The following HTR4 variants were observed in gnomAD, a reference collection of about 807,000 sequenced individuals.
HTR4 encodes the protein 5-hydroxytryptamine (serotonin) receptor 4, G protein-coupled.
Under a neutral mutation model 36.8 loss-of-function variants are expected in HTR4, and 16 were observed. The ratio of observed to expected loss-of-function variants is 0.43; its 90% CI spans 0.29 to 0.66. The LOEUF (loss-of-function observed/expected upper bound fraction) is 0.66. Ranked by LOEUF, HTR4 falls within the 30% of genes least tolerant of loss-of-function variation. The pLI, the probability that HTR4 is intolerant of heterozygous loss-of-function variation, is 0.13. For missense variants in HTR4, 438 were observed against 490.9 expected (o/e 0.89, Z 1.02); for synonymous variants, 189 against 185.1 (o/e 1.02, Z -0.17).
chr5:148,652,109 A>G (rs1384315148), intron 1 of HTR4, among the ~76,000 whole-genome samples: 1 of 152,212 alleles, frequency 6.6e-6, no homozygotes, highest in Non-Finnish European at 1.5e-5. Context: ...TGTTCAATTC[A>G]TGTATTTGCT....
intron 5 of HTR4, among the ~76,000 whole-genome samples, chr5:148,456,822 A>G (rs1755112700): frequency 6.6e-6 from 1 of 152,220 alleles, no homozygotes; most frequent in Non-Finnish European, 1.5e-5. Flanking sequence ...CTTGTTGTAG[A>G]CATTAAATGA....
intron 5 of HTR4, among the ~76,000 whole-genome samples, chr5:148,512,020 T>C (rs1183630660): frequency 6.6e-6 from 1 of 152,228 alleles, no homozygotes; most frequent in Non-Finnish European, 1.5e-5. Context: ...TCACTCCTTT[T>C]GGAAAGCATG....
chr5:148,601,078 A>G (rs1761979427), intron 2 of HTR4, among the ~76,000 whole-genome samples: 1 of 151,942 alleles, frequency 6.6e-6, no homozygotes, highest in Non-Finnish European at 1.5e-5. Flanking sequence ...AATGGCCAAG[A>G]AGCATATGAA....
At position 148,566,815 on chromosome 5, in the gene HTR4, C is replaced by T. The variant is rs1760459839; in HGVS notation, c.27-16553G>A. 2.0e-5 allele frequency among the ~76,000 whole-genome samples: 3 copies of T among 151,858 alleles called. No individual in the cohort carries two copies. The South Asian group carries it at 6.2e-4, about 32-fold the overall frequency. On this transcript the variant is annotated intron_variant, in intron 2 of 6. Transcript: ENST00000377888. ...ATACCTGTATTTATTACATATGACT[C>T]CATATATTAATATTATCTATATCCA...
At chr5:148,627,382 T>A (rs559162744) in intron 2 of HTR4, among the ~76,000 whole-genome samples, 19 of 152,344 alleles carry the variant, frequency 1.2e-4, no homozygotes, top group Non-Finnish European at 2.4e-4. Context: ...TGTATCCATT[T>A]CCACATACGC....
intron 6 of HTR4, among the ~76,000 whole-genome samples, chr5:148,483,847 T>C (rs565560668): frequency 2.0e-5 from 3 of 152,316 alleles, no homozygotes; most frequent in South Asian, 4.1e-4. Context: ...TTGGCGTATA[T>C]TGAGCTTGCT....
intron 5 of HTR4, among the ~76,000 whole-genome samples, chr5:148,513,202 A>C (rs1276835494): frequency 4.6e-5 from 7 of 152,012 alleles, no homozygotes; most frequent in Non-Finnish European, 1.0e-4. Flanking sequence ...TGTGGCTCAG[A>C]CTGGTCTCAA....
chr5:148,527,747 G>C (rs1426724004), intron 4 of HTR4, among the ~76,000 whole-genome samples: 1 of 152,114 alleles, frequency 6.6e-6, no homozygotes, highest in Non-Finnish European at 1.5e-5. Flanking sequence ...CTGAGTAGCT[G>C]GGAATACAGG....
chr5:148,577,752 G>A (rs1333087597), intron 2 of HTR4, among the ~76,000 whole-genome samples: 1 of 152,044 alleles, frequency 6.6e-6, no homozygotes, highest in Non-Finnish European at 1.5e-5. Context: ...TTACTTACAA[G>A]TGAGAGCTAA....
At chr5:148,485,181 TGCA>T (rs772730795) in intron 6 of HTR4, among the ~76,000 whole-genome samples, 45 of 152,300 alleles carry the variant, frequency 3.0e-4, no homozygotes, top group Non-Finnish European at 5.3e-4. Flanking sequence ...CACCTATTAG[TGCA>T]GCACTGGTGT....
chr5:148,483,029 A>T lies in HTR4; in HGVS notation c.*174T>A, dbSNP rs988372497. ...GCCATTATGTCCCCTGACTCCCTCCAGCGCCACCTGCTGGAATCTCAGAGG... is the reference window on the plus strand; with the variant it reads ...GCCATTATGTCCCCTGACTCCCTCCTGCGCCACCTGCTGGAATCTCAGAGG... On this transcript the variant is annotated 3_prime_UTR_variant, in exon 7 of 7. Transcript: ENST00000377888. 3 of 1,454,252 alleles carry T rather than the reference A, an allele frequency of 2.1e-6. No individual in the cohort carries two copies. The East Asian group carries it at 7.5e-5, about 36-fold the overall frequency. 90.1% of individuals were successfully genotyped at this position (1,454,252 alleles called of 1,614,324 possible).
At chr5:148,620,862 T>A (rs540689726) in intron 2 of HTR4, among the ~76,000 whole-genome samples, 7 of 152,288 alleles carry the variant, frequency 4.6e-5, no homozygotes, top group African/African-American at 1.7e-4. Context: ...AGCAGAGCCT[T>A]GTCTCAGACT....
chr5:148,529,853 G>C (rs1209632562), intron 4 of HTR4, among the ~76,000 whole-genome samples: 1 of 152,206 alleles, frequency 6.6e-6, no homozygotes, highest in Non-Finnish European at 1.5e-5. Flanking sequence ...GGTGGTCTCA[G>C]ATAGAGATGA....
intron 2 of HTR4, among the ~76,000 whole-genome samples, chr5:148,594,162 G>C (rs1366592348): frequency 1.3e-5 from 2 of 152,114 alleles, no homozygotes; most frequent in Admixed American, 6.6e-5. Flanking sequence ...TAATATGACA[G>C]TGTATGCGTT....
At chr5:148,627,582 T>C (rs768424288) in intron 2 of HTR4, among the ~76,000 whole-genome samples, 2 of 152,214 alleles carry the variant, frequency 1.3e-5, no homozygotes, top group Non-Finnish European at 2.9e-5. Flanking sequence ...AAGATGAGTA[T>C]GTTGTATAAA....
chr5:148,537,120 A>G (rs764995364), intron 4 of HTR4, among the ~76,000 whole-genome samples: 1 of 152,246 alleles, frequency 6.6e-6, no homozygotes, highest in African/African-American at 2.4e-5. Flanking sequence ...AAATTAAAAA[A>G]TATGCTCCTG....
chr5:148,579,520 A>T (rs2127242160), intron 2 of HTR4, among the ~76,000 whole-genome samples: 1 of 152,202 alleles, frequency 6.6e-6, no homozygotes, highest in African/African-American at 2.4e-5. Flanking sequence ...AATTTACTGC[A>T]AAGTTAGCAG....
intron 2 of HTR4, among the ~76,000 whole-genome samples, chr5:148,605,748 A>T (rs897426024): frequency 5.1e-5 from 7 of 136,402 alleles, no homozygotes; most frequent in Non-Finnish European, 9.2e-5. Context: ...TCTGTGATTT[A>T]AAAAAAAAAA....
intron 5 of HTR4, among the ~76,000 whole-genome samples, chr5:148,457,777 TATATTTTGACATATCATTAAAATATC>T: frequency 7.0e-6 from 1 of 142,870 alleles, no homozygotes; most frequent in South Asian, 2.2e-4. Flanking sequence ...ATCATTAAAA[TATATTTTGACATATCATTAAAATATC>T]ATATATTTTG....
Sources: allele counts gnomAD v4.1 joint callset (sites outside exome capture counted in the v4.1 genomes callset), GRCh38; gene constraint gnomAD v4.1.1; transcripts MANE v1.5; gene names NCBI Gene and HGNC (gene_info 2026-07-23, HGNC 2026-07-21).